Variants in PID1 observed in about 807,000 individuals in gnomAD.
PID1 encodes PTB-containing, cubilin and LRP1-interacting protein.
A neutral mutation model predicts 19.1 loss-of-function variants in PID1; 10 were observed. The ratio of observed to expected loss-of-function variants is 0.52; its 90% CI spans 0.32 to 0.89. The LOEUF is 0.89. PID1 is among the 40% of genes least tolerant of loss of function. The pLI is 0.03. For synonymous variants in PID1, 130 were observed against 116.0 expected (o/e 1.12, Z -0.78); for missense variants, 248 against 285.3 (o/e 0.87, Z 0.94).
At chr2:229,215,233 A>G (rs1691820709) in intron 1 of PID1, among the ~76,000 whole-genome samples, 1 of 152,238 alleles carries the variant, frequency 6.6e-6, no homozygotes, top group Admixed American at 6.5e-5. Context: ...TTTACAGTTT[A>G]TTAACTGAAT....
chr2:229,184,913 T>C (rs891272245), intron 1 of PID1, among the ~76,000 whole-genome samples: 2 of 143,350 alleles, frequency 1.4e-5, no homozygotes, highest in East Asian at 2.0e-4. Context: ...GTATCCCATA[T>C]ATATCCTACA....
chr2:229,208,976 C>T (rs1691666929), intron 1 of PID1, among the ~76,000 whole-genome samples: 1 of 152,008 alleles, frequency 6.6e-6, no homozygotes, highest in African/African-American at 2.4e-5. Context: ...CAGGAAGTGG[C>T]CAGAACTGTG....
At chr2:229,039,044 G>A (rs1364433506) in intron 2 of PID1, among the ~76,000 whole-genome samples, 1 of 152,168 alleles carries the variant, frequency 6.6e-6, no homozygotes, top group Non-Finnish European at 1.5e-5. Context: ...CTCTACTTAA[G>A]TAACGCCACT....
chr2:229,150,826 G>A (rs953934647), intron 2 of PID1, among the ~76,000 whole-genome samples: 2 of 149,818 alleles, frequency 1.3e-5, no homozygotes, highest in Non-Finnish European at 3.0e-5. Flanking sequence ...ATGTTTATAA[G>A]GCATATGATT....
At chr2:229,270,516 C>G (rs1418225446) in intron 1 of PID1, among the ~76,000 whole-genome samples, 2 of 151,988 alleles carry the variant, frequency 1.3e-5, no homozygotes, top group African/African-American at 4.8e-5. Flanking sequence ...AGGGAGAGAA[C>G]CAATGAATAG....
chr2:229,028,502 T>G (rs1693474517), intron 2 of PID1, among the ~76,000 whole-genome samples: 1 of 152,090 alleles, frequency 6.6e-6, no homozygotes, highest in Non-Finnish European at 1.5e-5. Context: ...GCCCATCCAA[T>G]GGGAGAAAAT....
chr2:229,125,816 G>C (rs1695611698), intron 2 of PID1, among the ~76,000 whole-genome samples: 1 of 152,140 alleles, frequency 6.6e-6, no homozygotes, highest in Non-Finnish European at 1.5e-5. Flanking sequence ...GCTTGTGGGA[G>C]CCTAGCCTTC....
chr2:229,151,663 C>T (rs1221787660), intron 2 of PID1, among the ~76,000 whole-genome samples: 1 of 151,850 alleles, frequency 6.6e-6, no homozygotes, highest in African/African-American at 2.4e-5. Context: ...CTCCACCTCC[C>T]GGGTTCATGC....
intron 2 of PID1, among the ~76,000 whole-genome samples, chr2:229,035,346 T>C (rs1427813445): frequency 6.6e-6 from 1 of 152,174 alleles, no homozygotes; most frequent in East Asian, 1.9e-4. Flanking sequence ...CTGGATCTCC[T>C]GTCTGCCCAC....
intron 2 of PID1, among the ~76,000 whole-genome samples, chr2:229,145,968 G>A (rs779686926): frequency 8.6e-5 from 13 of 151,892 alleles, no homozygotes; most frequent in African/African-American, 3.1e-4. Flanking sequence ...TTTATTTTTC[G>A]ATTTTTTAGT....
intron 2 of PID1, among the ~76,000 whole-genome samples, chr2:229,089,917 C>T (rs957823525): frequency 6.6e-6 from 1 of 152,118 alleles, no homozygotes; most frequent in South Asian, 2.1e-4. Context: ...AAATGAGAGA[C>T]AGAAGAACTG....
chr2:229,241,387 T>C lies in PID1; in HGVS notation c.30+29627A>G, dbSNP rs1268427239. On this transcript the variant is annotated intron_variant, in intron 1 of 2. Coordinates refer to ENST00000392055, the MANE Select transcript of PID1 (RefSeq NM_001100818.2). Reference sequence around the variant, plus strand: ...TAATCACCTTTAACATGTGGAGGCTTGACTTTTACAGTTTGGTAGGCTAGG... The same window carrying C: ...TAATCACCTTTAACATGTGGAGGCTCGACTTTTACAGTTTGGTAGGCTAGG... Among the ~76,000 whole-genome samples the C allele has an allele frequency of 2.6e-5, 4 of 152,164 alleles. No homozygotes were observed. The East Asian group carries it at 7.7e-4, about 29-fold the overall frequency.
At chr2:229,174,430 G>A (rs1410462963) in intron 1 of PID1, among the ~76,000 whole-genome samples, 2 of 152,194 alleles carry the variant, frequency 1.3e-5, no homozygotes, top group East Asian at 3.8e-4. Flanking sequence ...ACATGAAATG[G>A]TTGTAAATGT....
At chr2:229,153,564 G>T (rs1690302765) in intron 2 of PID1, among the ~76,000 whole-genome samples, 1 of 151,912 alleles carries the variant, frequency 6.6e-6, no homozygotes, top group African/African-American at 2.4e-5. Flanking sequence ...GCCCTCTTTG[G>T]CACACTCTTC....
intron 2 of PID1, among the ~76,000 whole-genome samples, chr2:229,046,347 A>AGTGTGTGTGTGTGTGT: frequency 7.1e-6 from 1 of 141,376 alleles, no homozygotes; most frequent in East Asian, 2.1e-4. Context: ...AAATTAGGAA[A>AGTGTGTGTGTGTGTGT]GTGTGTGTGT....
chr2:229,185,357 A>C (rs1285371593), intron 1 of PID1, among the ~76,000 whole-genome samples: 1 of 152,042 alleles, frequency 6.6e-6, no homozygotes, highest in African/African-American at 2.4e-5. Flanking sequence ...CAATTGGTCC[A>C]TGTGCACACT....
intron 1 of PID1, among the ~76,000 whole-genome samples, chr2:229,169,863 A>G (rs1690675425): frequency 6.6e-6 from 1 of 152,166 alleles, no homozygotes; most frequent in South Asian, 2.1e-4. Flanking sequence ...ACTTAGACAA[A>G]CTCCCTTATT....
intron 2 of PID1, among the ~76,000 whole-genome samples, chr2:229,132,223 G>A (rs933575985): frequency 3.3e-5 from 5 of 152,134 alleles, no homozygotes; most frequent in African/African-American, 1.2e-4. Context: ...ATCTCCTTGG[G>A]GTCATGGCTC....
intron 2 of PID1, among the ~76,000 whole-genome samples, chr2:229,060,113 A>G (rs1049528755): frequency 6.6e-6 from 1 of 152,170 alleles, no homozygotes; most frequent in African/African-American, 2.4e-5. Context: ...ACCAGGCTAC[A>G]TATTTTTGGT....
Sources: gnomAD v4.1 joint callset for allele counts (sites outside exome capture counted in the v4.1 genomes callset) on GRCh38, gnomAD v4.1.1 for gene constraint, MANE v1.5 for transcripts, NCBI Gene and HGNC (gene_info 2026-07-23, HGNC 2026-07-21) for gene names.